Variants in MAP4K3 observed in about 807,000 individuals in gnomAD.
MAP4K3 encodes the protein mitogen-activated protein kinase kinase kinase kinase 3.
In MAP4K3, 94 loss-of-function variants were observed where a neutral mutation model predicts 143.5. The observed-to-expected ratio is 0.65, with a 90% CI of 0.55 to 0.78. MAP4K3 has a LOEUF of 0.78. MAP4K3 is among the 30% of genes least tolerant of loss of function. The probability of loss-of-function intolerance (pLI) is 0.00; values close to 1 mark genes in which losing one functional copy is unlikely to be tolerated. For synonymous variants in MAP4K3, 416 were observed against 347.2 expected (o/e 1.20, Z -2.20); for missense variants, 1,077 against 1,068.1 (o/e 1.01, Z -0.12).
chr2:39,283,483 T>C (rs1381719069), intron 21 of MAP4K3, among the ~76,000 whole-genome samples: 1 of 152,256 alleles, frequency 6.6e-6, no homozygotes, highest in African/African-American at 2.4e-5. Flanking sequence ...TCTTTTTTCA[T>C]ATCTATTTGT....
intron 7 of MAP4K3, 34 bp from the exon 8 acceptor site, chr2:39,332,023 G>A (rs372041465): frequency 7.2e-6 from 9 of 1,246,782 alleles, no homozygotes; most frequent in African/African-American, 4.5e-5. Flanking sequence ...TTAGGAAACT[G>A]AGAGAAAATA....
intron 1 of MAP4K3, among the ~76,000 whole-genome samples, chr2:39,401,706 T>A (rs1430810591): frequency 1.3e-5 from 2 of 151,814 alleles, no homozygotes; most frequent in African/African-American, 4.8e-5. Context: ...GGAGCTTAGG[T>A]GGGCATTTCG....
chr2:39,260,771 C>A lies in MAP4K3; in HGVS notation c.2143G>T (p.Asp715Tyr). The change falls in exon 29 of 34, where the codon GAT becomes TAT. Residue 715 changes from aspartate to tyrosine, a missense_variant. Coordinates refer to ENST00000263881, the MANE Select transcript of MAP4K3 (RefSeq NM_003618.4). ...MQKFMLIKHIDFPIPCPLRMF... is the reference protein window; with the variant it reads ...MQKFMLIKHIYFPIPCPLRMF... ...CTAAGTGGACATGGTATAGGAAAAT[C>A]TATGTGCTAGAGAAAGAAACAAAAA... 1 of 1,608,642 alleles carries A rather than the reference C, an allele frequency of 6.2e-7. No individual in the cohort carries two copies. Among genetic ancestry groups the A allele is most frequent in the Non-Finnish European group, 8.5e-7 (1 of 1,176,516 alleles).
At chr2:39,290,119 A>G (rs916305508) in intron 19 of MAP4K3, among the ~76,000 whole-genome samples, 173 bp downstream of exon 19, 3 of 150,770 alleles carry the variant, frequency 2.0e-5, no homozygotes, top group South Asian at 4.2e-4. Flanking sequence ...AACACTAAAT[A>G]TAAGTTGGGC....
At chr2:39,378,036 G>A in intron 2 of MAP4K3, 30 bp downstream of exon 2, 1 of 1,308,878 alleles carries the variant, frequency 7.6e-7, no homozygotes, top group Non-Finnish European at 1.1e-6. Context: ...CTTTCTAGCA[G>A]TAAGAAAAAA....
intron 26 of MAP4K3, chr2:39,267,454 C>G: frequency 1.9e-6 from 1 of 525,228 alleles, no homozygotes; most frequent in Non-Finnish European, 3.4e-6. Context: ...GGGCGGATCA[C>G]AAGGTCAAGA....
At position 39,436,792 on chromosome 2, in the gene MAP4K3, G is replaced by A. The variant is rs1665499767; in HGVS notation, c.96+100C>T. 33 of 997,760 alleles carry A rather than the reference G, an allele frequency of 3.3e-5. 1 individual carries two copies. In the South Asian group the frequency reaches 4.4e-4, roughly 13 times the overall value. The allele number at this position is 997,760 out of a possible 1,614,324, so 61.8% of individuals were successfully genotyped here. A position where few individuals can be genotyped will look rare whatever the true frequency, so the allele number is the denominator to read the frequency against. On this transcript the variant is annotated intron_variant, in intron 1 of 33. Coordinates refer to ENST00000263881, the MANE Select transcript of MAP4K3 (RefSeq NM_003618.4). ...TCCTCCTCCCCGACTGCTCCCTGGCGCCAGCGTCTCCCGAGGACAGGCGGC... is the reference window on the plus strand; with the variant it reads ...TCCTCCTCCCCGACTGCTCCCTGGCACCAGCGTCTCCCGAGGACAGGCGGC...
At position 39,315,344 on chromosome 2, in the gene MAP4K3, G is replaced by T. The variant is rs373839840; in HGVS notation, c.963C>A (p.Asn321Lys). Residue 321 changes from asparagine (N) to lysine (K), a missense_variant, in exon 13 of 34, where the codon AAC becomes AAA. This residue lies in a region of MAP4K3 where 864 missense variants were observed against 801.2 expected (regional missense o/e 1.08). Transcript: ENST00000263881. ...VPHRIHSTSR[N>K]VREEKTRSEI... is the part of the protein sequence containing the mutation. ...CTGAGCGTGTTTTTTCTTCTCTCAC[G>T]TTTCTACTTGTTGAGTGAATTCTAT... The T allele has an allele frequency of 1.9e-6, 3 of 1,612,264 alleles. No individual in the cohort carries two copies. The highest frequency in any genetic ancestry group is 3.3e-5 in the Admixed American group (2 of 59,952).
At chr2:39,425,278 A>T (rs531785126) in intron 1 of MAP4K3, among the ~76,000 whole-genome samples, 4 of 152,282 alleles carry the variant, frequency 2.6e-5, no homozygotes, top group African/African-American at 9.6e-5. Context: ...ATTATAGACT[A>T]ATCCGAAAGC....
intron 1 of MAP4K3, among the ~76,000 whole-genome samples, chr2:39,384,455 A>T (rs1025866332): frequency 6.6e-6 from 1 of 152,236 alleles, no homozygotes; most frequent in African/African-American, 2.4e-5. Flanking sequence ...CTGGGACAGG[A>T]GAATCGCTTG....
chr2:39,335,471 T>C (rs1395712542), intron 6 of MAP4K3, among the ~76,000 whole-genome samples: 1 of 152,170 alleles, frequency 6.6e-6, no homozygotes, highest in African/African-American at 2.4e-5. Context: ...TAATGGAACA[T>C]CAAACTACCC....
At chr2:39,391,978 G>A (rs1666675190) in intron 1 of MAP4K3, among the ~76,000 whole-genome samples, 1 of 151,766 alleles carries the variant, frequency 6.6e-6, no homozygotes, top group South Asian at 2.1e-4. Context: ...GTCAAGAGAT[G>A]GAGACCATCC....
At chr2:39,397,129 C>T (rs1013719396) in intron 1 of MAP4K3, among the ~76,000 whole-genome samples, 1 of 152,106 alleles carries the variant, frequency 6.6e-6, no homozygotes, top group Non-Finnish European at 1.5e-5. Flanking sequence ...TGAGGTTCAT[C>T]ATGCTACATA....
At chr2:39,280,478 T>C (rs1223423520) in intron 22 of MAP4K3, 122 bp from the exon 23 acceptor site, 3 of 446,834 alleles carry the variant, frequency 6.7e-6, no homozygotes, top group African/African-American at 4.1e-5. Context: ...ATTATGATCA[T>C]CTTCAAATTT....
At chr2:39,251,152 G>A (rs1209258777) in intron 33 of MAP4K3, among the ~76,000 whole-genome samples, 1 of 152,174 alleles carries the variant, frequency 6.6e-6, no homozygotes, top group Non-Finnish European at 1.5e-5. Context: ...TGTAGTGGCC[G>A]TGTGCCCTGA....
At chr2:39,393,692 T>G (rs376820433) in intron 1 of MAP4K3, among the ~76,000 whole-genome samples, 2 of 152,154 alleles carry the variant, frequency 1.3e-5, no homozygotes, top group Admixed American at 1.3e-4. Context: ...TTGTGCCTAT[T>G]ATTTGAGGGC....
intron 12 of MAP4K3, among the ~76,000 whole-genome samples, chr2:39,321,992 C>A (rs1236913322): frequency 6.6e-6 from 1 of 152,204 alleles, no homozygotes; most frequent in East Asian, 1.9e-4. Context: ...GCGGGATCCT[C>A]CATATGTTGA....
At chr2:39,388,401 G>A (rs1366159374) in intron 1 of MAP4K3, among the ~76,000 whole-genome samples, 1 of 152,144 alleles carries the variant, frequency 6.6e-6, no homozygotes, top group Non-Finnish European at 1.5e-5. Flanking sequence ...TTCACAGGTG[G>A]CACAAAGAGA....
At chr2:39,299,289 G>C (rs1051491815) in intron 16 of MAP4K3, among the ~76,000 whole-genome samples, 1 of 152,038 alleles carries the variant, frequency 6.6e-6, no homozygotes, top group African/African-American at 2.4e-5. Flanking sequence ...TAACTTTTAA[G>C]AATTCAGACA....
Sources: allele counts gnomAD v4.1 joint callset (sites outside exome capture counted in the v4.1 genomes callset), GRCh38; gene constraint gnomAD v4.1.1; regional missense constraint gnomAD v4.1.1; transcripts MANE v1.5; gene names NCBI Gene and HGNC (gene_info 2026-07-23, HGNC 2026-07-21).